The following AGAP1 variants were observed in gnomAD, a reference collection of about 807,000 sequenced individuals.
AGAP1 encodes arf-GAP with GTPase, ANK repeat and PH domain-containing protein 1.
Under a neutral mutation model 105.3 loss-of-function variants are expected in AGAP1, and 29 were observed. The ratio of observed to expected loss-of-function variants is 0.28; its 90% confidence interval spans 0.21 to 0.38. AGAP1 has a LOEUF of 0.38. Among genes scored for constraint, AGAP1 ranks in the 10% least tolerant of loss-of-function variants. AGAP1 has a pLI of 1.00. For synonymous variants in AGAP1, 509 were observed against 485.9 expected, an observed-to-expected ratio of 1.05 and a Z score of -0.63; for missense variants, 998 against 1,165.1, an observed-to-expected ratio of 0.86 and a Z score of 2.09.
At chr2:235,853,274 G>C (rs1260300295) in intron 9 of AGAP1, 23 of 961,348 alleles carry the variant, frequency 2.4e-5, no homozygotes, top group Non-Finnish European at 2.9e-5. Flanking sequence ...CCCCTACTCT[G>C]CTTCAAGATT....
chr2:235,540,370 C>G (rs944753748), intron 1 of AGAP1, among the ~76,000 whole-genome samples: 10 of 152,138 alleles, frequency 6.6e-5, no homozygotes, highest in Admixed American at 6.5e-5. Context: ...CCAGGCTGGT[C>G]TCAAACTCCT....
chr2:235,670,126 G>A, intron 1 of AGAP1: 1 of 573,320 alleles, frequency 1.7e-6, no homozygotes, highest in South Asian at 1.8e-5. Flanking sequence ...GCAGTGGCGA[G>A]CCCGCGTCGC....
intron 1 of AGAP1, among the ~76,000 whole-genome samples, chr2:235,524,088 G>T (rs555461781): frequency 5.3e-5 from 8 of 152,354 alleles, no homozygotes; most frequent in African/African-American, 1.4e-4. Context: ...TGGGACTGTG[G>T]AAAGGGCTGT....
chr2:235,764,054 G>A (rs1053972805), intron 6 of AGAP1, among the ~76,000 whole-genome samples: 30 of 151,214 alleles, frequency 2.0e-4, no homozygotes, highest in Admixed American at 3.3e-4. Flanking sequence ...GCTCCGGCCC[G>A]TGTGTGGCGG....
At chr2:235,932,045 C>T (rs1437259378) in intron 12 of AGAP1, among the ~76,000 whole-genome samples, 1 of 152,236 alleles carries the variant, frequency 6.6e-6, no homozygotes, top group Non-Finnish European at 1.5e-5. Flanking sequence ...CTCTAAGGCT[C>T]TCTGCCTCAT....
At chr2:235,771,577 G>C (rs77973142) in intron 6 of AGAP1, among the ~76,000 whole-genome samples, 264 of 152,340 alleles carry the variant, frequency 1.7e-3, no homozygotes, top group African/African-American at 6.1e-3. Context: ...CATCTGCCCT[G>C]TCTGGTCTTC....
rs1947980367 is a variant in AGAP1 at position 235,662,199 on chromosome 2, G to C, written c.164-46980G>C. ...CGTGACCAGGAAAAAAGGGACCCAG[G>C]GTGGTGGCACATGAATCCCAGCTTT... On this transcript the variant is annotated intron_variant, in intron 1 of 17. Coordinates refer to ENST00000304032, the MANE Select transcript of AGAP1 (RefSeq NM_001037131.3). The surrounding 1 kb of genome is among the most constrained non-coding windows in gnomAD (Gnocchi z 4.2). Among the ~76,000 whole-genome samples, 1 of 152,182 alleles carries C rather than the reference G, an allele frequency of 6.6e-6. No individual in the cohort carries two copies. Among genetic ancestry groups the C allele is most frequent in the African/African-American group, 2.4e-5 (1 of 41,450 alleles).
chr2:235,744,950 G>T lies in AGAP1; in HGVS notation c.538+111G>T. ...AAGAAGGAAAAATTGCCTACTGAACGCTCACTTTTTTGGGAAAAATTATGG... is the reference window on the plus strand; with the variant it reads ...AAGAAGGAAAAATTGCCTACTGAACTCTCACTTTTTTGGGAAAAATTATGG... On this transcript the variant is annotated intron_variant, in intron 5 of 17. Coordinates refer to ENST00000304032, the MANE Select transcript of AGAP1 (RefSeq NM_001037131.3). The surrounding 1 kb of genome is among the most constrained non-coding windows in gnomAD (Gnocchi z 5.2). 14 of 1,324,044 alleles carry T rather than the reference G, an allele frequency of 1.1e-5. No individual in the cohort carries two copies. Among genetic ancestry groups the T allele is most frequent in the South Asian group, 1.6e-5 (1 of 62,466 alleles). 82.0% of individuals were successfully genotyped at this position (1,324,044 alleles called of 1,614,324 possible). A position where few individuals can be genotyped will look rare whatever the true frequency, so the allele number is the denominator to read the frequency against.
intron 1 of AGAP1, among the ~76,000 whole-genome samples, chr2:235,653,047 A>G (rs1007158106): frequency 6.6e-6 from 1 of 152,188 alleles, no homozygotes; most frequent in African/African-American, 2.4e-5. Context: ...TGCACCGGGA[A>G]GGATAAGAGG....
At position 235,577,542 on chromosome 2, in the gene AGAP1, C is replaced by T. The variant is rs889954643; in HGVS notation, c.163+82693C>T. Among the ~76,000 whole-genome samples, 22 of 152,090 alleles carry T rather than the reference C, an allele frequency of 1.4e-4. No homozygotes were observed. Among genetic ancestry groups the T allele is most frequent in the African/African-American group, 5.3e-4 (22 of 41,394 alleles). On this transcript the variant is annotated intron_variant, in intron 1 of 17. Transcript: ENST00000304032. This position sits in a 1 kb window ranked among gnomAD's most constrained non-coding sequence, Gnocchi z 4.5. ...GATCGGAAGCTCCTGTGTCCCTGGTCGCTTGCTGGAGTCGGTGGGAGCTGA... is the reference window on the plus strand; with the variant it reads ...GATCGGAAGCTCCTGTGTCCCTGGTTGCTTGCTGGAGTCGGTGGGAGCTGA...
At chr2:235,722,862 T>C (rs1357332116) in intron 3 of AGAP1, among the ~76,000 whole-genome samples, 1 of 150,198 alleles carries the variant, frequency 6.7e-6, no homozygotes, top group South Asian at 2.1e-4. Flanking sequence ...ACACATAAAA[T>C]ACACTAACAC....
At position 235,719,354 on chromosome 2, in the gene AGAP1, T is replaced by C. The variant is rs74762720; in HGVS notation, c.310+1710T>C. 2.7e-4 allele frequency among the ~76,000 whole-genome samples: 41 copies of C among 152,336 alleles called. No individual in the cohort carries two copies. The highest frequency in any genetic ancestry group is 5.6e-4 in the Non-Finnish European group (38 of 68,030). ...TTGTGGCTTTTCGCTGTTTTCCCTT[T>C]GGGCATTCACAGTGTGTTCCATTGT... On this transcript the variant is annotated intron_variant, in intron 3 of 17. Transcript: ENST00000304032. This position sits in a 1 kb window ranked among gnomAD's most constrained non-coding sequence, Gnocchi z 4.9.
At chr2:235,895,295 C>T (rs2050748781) in intron 10 of AGAP1, among the ~76,000 whole-genome samples, 1 of 152,116 alleles carries the variant, frequency 6.6e-6, no homozygotes, top group Non-Finnish European at 1.5e-5. Flanking sequence ...AAGATCCCCT[C>T]TCCCGCTTGG....
At position 235,889,691 on chromosome 2, in the gene AGAP1, C is replaced by T. The variant is rs867693250; in HGVS notation, c.1155+6242C>T. 1.1e-4 allele frequency among the ~76,000 whole-genome samples: 17 copies of T among 152,078 alleles called. No homozygotes were observed. The highest frequency in any genetic ancestry group is 2.1e-4 in the South Asian group (1 of 4,824). ...ACATAAGCTAAATCTACATACCCTTCCTACACCACAGATAGAAGATATGGA... is the reference window on the plus strand; with the variant it reads ...ACATAAGCTAAATCTACATACCCTTTCTACACCACAGATAGAAGATATGGA... On this transcript the variant is annotated intron_variant, in intron 10 of 17. Transcript: ENST00000304032. This position sits in a 1 kb window ranked among gnomAD's most constrained non-coding sequence, Gnocchi z 4.6.
chr2:235,801,620 T>G lies in AGAP1; in HGVS notation c.957+2098T>G, dbSNP rs1302052150. Among the ~76,000 whole-genome samples the G allele has an allele frequency of 1.3e-5, 2 of 151,898 alleles. No homozygotes were observed. Among genetic ancestry groups the G allele is most frequent in the Non-Finnish European group, 2.9e-5 (2 of 67,994 alleles). ...CTGGGGGGCTTTGGGTTGAAGTGTT[T>G]CCTGCTAGAACAGGCTGCACAGTGA... On this transcript the variant is annotated intron_variant, in intron 8 of 17. Transcript: ENST00000304032. The surrounding 1 kb of genome is among the most constrained non-coding windows in gnomAD (Gnocchi z 6.0).
chr2:235,666,333 A>AT (rs952253079), intron 1 of AGAP1, among the ~76,000 whole-genome samples: 45 of 151,744 alleles, frequency 3.0e-4, no homozygotes, highest in African/African-American at 4.4e-4. Flanking sequence ...TAGTATTGTG[A>AT]TTTTTTTTTC....
At chr2:235,985,043 G>T (rs2055254615) in intron 13 of AGAP1, among the ~76,000 whole-genome samples, 1 of 152,122 alleles carries the variant, frequency 6.6e-6, no homozygotes, top group Non-Finnish European at 1.5e-5. Flanking sequence ...CTTCCGCAAT[G>T]GTTGAACTAA....
chr2:235,574,322 A>C lies in AGAP1; in HGVS notation c.163+79473A>C, dbSNP rs2149172751. On this transcript the variant is annotated intron_variant, in intron 1 of 17. Transcript: ENST00000304032. The surrounding 1 kb of genome is among the most constrained non-coding windows in gnomAD (Gnocchi z 5.0). ...ACAGAAAAGCTGAAAATGTTCCCTTACCTTAAGGGAAAGGCCTCAATGGAT... is the reference window on the plus strand; with the variant it reads ...ACAGAAAAGCTGAAAATGTTCCCTTCCCTTAAGGGAAAGGCCTCAATGGAT... Among the ~76,000 whole-genome samples, 1 of 152,274 alleles carries C rather than the reference A, an allele frequency of 6.6e-6. No homozygotes were observed. The highest frequency in any genetic ancestry group is 2.1e-4 in the South Asian group (1 of 4,822).
At chr2:236,004,032 A>G (rs939162508) in intron 13 of AGAP1, among the ~76,000 whole-genome samples, 2 of 152,184 alleles carry the variant, frequency 1.3e-5, no homozygotes, top group South Asian at 4.1e-4. Flanking sequence ...AAAATAGCCA[A>G]TGGGCACCTC....
Sources: gnomAD v4.1 joint callset for allele counts (sites outside exome capture counted in the v4.1 genomes callset) on GRCh38, gnomAD v4.1.1 for gene constraint, Gnocchi (gnomAD v3.1) non-coding constraint, MANE v1.5 for transcripts, NCBI Gene and HGNC (gene_info 2026-07-23, HGNC 2026-07-21) for gene names.